The following CNTN5 variants were observed in gnomAD, a reference collection of about 807,000 sequenced individuals.
The protein encoded by CNTN5 is contactin 5.
A neutral mutation model predicts 129.1 loss-of-function variants in CNTN5; 77 were observed. The ratio of observed to expected loss-of-function variants is 0.60; its 90% confidence interval spans 0.50 to 0.72. CNTN5 has a LOEUF of 0.72. Ranked by LOEUF, CNTN5 falls within the 30% of genes least tolerant of loss-of-function variation. CNTN5 has a pLI of 0.00. For synonymous variants in CNTN5, 509 were observed against 465.6 expected, an observed-to-expected ratio of 1.09 and a Z score of -1.20; for missense variants, 1,478 against 1,328.8, an observed-to-expected ratio of 1.11 and a Z score of -1.75.
chr11:100,060,472 T>A (rs894880782), intron 9 of CNTN5, among the ~76,000 whole-genome samples: 8 of 152,074 alleles, frequency 5.3e-5, no homozygotes, highest in Admixed American at 5.2e-4. Context: ...ATGTGTAAAC[T>A]GTATTTGCTA....
chr11:99,790,803 T>A (rs909093732), intron 3 of CNTN5, among the ~76,000 whole-genome samples: 4 of 152,114 alleles, frequency 2.6e-5, no homozygotes, highest in Non-Finnish European at 5.9e-5. Context: ...ATATAAGCCA[T>A]CCCTTTTTCT....
At chr11:100,019,649 A>G (rs1451862650) in intron 9 of CNTN5, among the ~76,000 whole-genome samples, 1 of 151,996 alleles carries the variant, frequency 6.6e-6, no homozygotes, top group Non-Finnish European at 1.5e-5. Context: ...ATGCTGCCAA[A>G]ACAGGAATGC....
chr11:99,557,243 A>G (rs909828321), intron 3 of CNTN5, among the ~76,000 whole-genome samples: 4 of 151,324 alleles, frequency 2.6e-5, no homozygotes, highest in African/African-American at 9.7e-5. Context: ...TATTGATATA[A>G]ATACATACAT....
chr11:99,809,541 C>A (rs1008989294), intron 3 of CNTN5, among the ~76,000 whole-genome samples: 1 of 152,000 alleles, frequency 6.6e-6, no homozygotes. Context: ...ATCTAGGATT[C>A]CATTATATAA....
chr11:99,095,218 A>G (rs187201977), intron 1 of CNTN5, among the ~76,000 whole-genome samples: 5 of 151,966 alleles, frequency 3.3e-5, no homozygotes, highest in African/African-American at 7.2e-5. Context: ...TAAAAGCCTT[A>G]CCTTTCTGAT....
At chr11:100,135,858 A>ACTT (rs757579388) in intron 13 of CNTN5, among the ~76,000 whole-genome samples, 2 of 152,000 alleles carry the variant, frequency 1.3e-5, no homozygotes, top group African/African-American at 2.4e-5. Flanking sequence ...TTCAATCATA[A>ACTT]CTTATAGGTT....
At chr11:99,416,140 G>T (rs1199657989) in intron 2 of CNTN5, among the ~76,000 whole-genome samples, 1 of 152,102 alleles carries the variant, frequency 6.6e-6, no homozygotes, top group African/African-American at 2.4e-5. Context: ...ATTAGCAAAT[G>T]CTATATAATT....
intron 3 of CNTN5, among the ~76,000 whole-genome samples, chr11:99,737,407 A>G (rs1021241987): frequency 1.3e-5 from 2 of 152,240 alleles, no homozygotes; most frequent in African/African-American, 2.4e-5. Context: ...GCAATACAAC[A>G]TCTTCTTTCT....
intron 4 of CNTN5, among the ~76,000 whole-genome samples, chr11:99,822,525 T>C (rs1946833822): frequency 6.6e-6 from 1 of 152,134 alleles, no homozygotes; most frequent in African/African-American, 2.4e-5. Context: ...GAAAAATATA[T>C]CCTATTTATG....
chr11:99,408,478 G>GAAA (rs1303160221), intron 2 of CNTN5, among the ~76,000 whole-genome samples: 2 of 145,490 alleles, frequency 1.4e-5, no homozygotes, highest in Non-Finnish European at 3.0e-5. Context: ...AAGAAAGAAA[G>GAAA]AAAGAAAGAA....
intron 6 of CNTN5, among the ~76,000 whole-genome samples, chr11:99,896,860 C>T (rs1447401489): frequency 1.3e-5 from 2 of 152,126 alleles, no homozygotes; most frequent in East Asian, 1.9e-4. Context: ...AGCTGCCCTG[C>T]CCCAGCCTGA....
chr11:99,398,557 C>T (rs1414246910), intron 2 of CNTN5, among the ~76,000 whole-genome samples: 2 of 151,952 alleles, frequency 1.3e-5, no homozygotes, highest in East Asian at 3.9e-4. Context: ...ACTTACCATC[C>T]CTATTTTTTG....
At chr11:99,843,258 A>G (rs1027031522) in intron 4 of CNTN5, among the ~76,000 whole-genome samples, 2 of 152,206 alleles carry the variant, frequency 1.3e-5, no homozygotes, top group Non-Finnish European at 2.9e-5. Context: ...TAGGTTATCT[A>G]GGATTCAAAG....
chr11:99,577,911 T>C (rs537795869), intron 3 of CNTN5, among the ~76,000 whole-genome samples: 58 of 151,898 alleles, frequency 3.8e-4, no homozygotes, highest in African/African-American at 1.4e-3. Flanking sequence ...ATGTGCCATG[T>C]TGGTGTGCTG....
At chr11:99,829,166 T>C (rs543889817) in intron 4 of CNTN5, among the ~76,000 whole-genome samples, 1 of 152,332 alleles carries the variant, frequency 6.6e-6, no homozygotes, top group East Asian at 1.9e-4. Context: ...CATCAAAATT[T>C]TTAGTGATCT....
chr11:99,228,394 G>A (rs1231287644), intron 1 of CNTN5, among the ~76,000 whole-genome samples: 1 of 152,062 alleles, frequency 6.6e-6, no homozygotes, highest in African/African-American at 2.4e-5. Flanking sequence ...AATACAGTTA[G>A]AAGAAATAAG....
intron 13 of CNTN5, among the ~76,000 whole-genome samples, chr11:100,076,189 G>A (rs568364566): frequency 5.3e-5 from 8 of 152,088 alleles, no homozygotes; most frequent in Admixed American, 5.2e-4. Context: ...ACACTGCTAG[G>A]TTATTTTTTC....
intron 9 of CNTN5, among the ~76,000 whole-genome samples, chr11:100,027,283 C>A (rs997495256): frequency 1.3e-5 from 2 of 152,044 alleles, no homozygotes; most frequent in African/African-American, 4.8e-5. Flanking sequence ...TTTTTGTATT[C>A]TTGATCTTTG....
intron 3 of CNTN5, among the ~76,000 whole-genome samples, chr11:99,666,317 A>C (rs528096356): frequency 6.6e-6 from 1 of 152,290 alleles, no homozygotes; most frequent in Non-Finnish European, 1.5e-5. Context: ...CTACAACAGA[A>C]AGTGAATTGG....
Sources: gnomAD v4.1 joint callset for allele counts (sites outside exome capture counted in the v4.1 genomes callset) on GRCh38, gnomAD v4.1.1 for gene constraint, MANE v1.5 for transcripts, NCBI Gene and HGNC (gene_info 2026-07-23, HGNC 2026-07-21) for gene names.